PPID: variants seen among roughly 807,000 people sequenced by gnomAD.
PPID encodes the protein peptidylprolyl isomerase D, also known as peptidyl-prolyl cis-trans isomerase D.
In PPID, 47 loss-of-function variants were observed where a neutral mutation model predicts 48.1. That is an observed-to-expected ratio of 0.98 (90% CI 0.77 to 1.25). PPID has a LOEUF of 1.25. Ranked by LOEUF, PPID falls within the 50% of genes most tolerant of loss-of-function variation. PPID has a pLI of 0.00. For missense variants in PPID, 429 were observed against 443.5 expected (o/e 0.97, Z 0.29); for synonymous variants, 163 against 148.8 (o/e 1.10, Z -0.69).
At chr4:158,723,162 C>T (rs752311141) in intron 1 of PPID, 42 bp downstream of exon 1, 1 of 1,571,480 alleles carries the variant, frequency 6.4e-7, no homozygotes, top group Non-Finnish European at 8.7e-7. Context: ...CGGGAACCCC[C>T]GCCTCCTCGG....
intron 6 of PPID, among the ~76,000 whole-genome samples, chr4:158,714,809 C>CG (rs1682329211): frequency 6.6e-6 from 1 of 152,196 alleles, no homozygotes; most frequent in East Asian, 1.9e-4. Flanking sequence ...AGGCTGGTCT[C>CG]GAACTCCCGA....
chr4:158,717,903 T>C (rs1298814418), intron 3 of PPID, among the ~76,000 whole-genome samples: 1 of 152,228 alleles, frequency 6.6e-6, no homozygotes, highest in Admixed American at 6.5e-5. Context: ...CTTAACCTTT[T>C]CACTTTATCT....
intron 7 of PPID, among the ~76,000 whole-genome samples, chr4:158,712,337 C>G (rs901828311): frequency 2.0e-4 from 31 of 152,110 alleles, no homozygotes; most frequent in African/African-American, 6.5e-4. Flanking sequence ...TGAAACTGAC[C>G]CCCTCCTATC....
At chr4:158,719,395 GT>G in intron 2 of PPID, 109 bp from the exon 3 acceptor site, 4 of 710,780 alleles carry the variant, frequency 5.6e-6, no homozygotes, top group Non-Finnish European at 9.6e-6. Context: ...CTCTAGTCAT[GT>G]CTCTCTCCTG....
At chr4:158,714,794 T>A (rs1774843529) in intron 6 of PPID, among the ~76,000 whole-genome samples, 1 of 152,178 alleles carries the variant, frequency 6.6e-6, no homozygotes, top group Admixed American at 6.5e-5. Flanking sequence ...TTCACCATAT[T>A]GGCCAGGCTG....
intron 2 of PPID, 88 bp from the exon 3 acceptor site, chr4:158,719,374 G>T: frequency 1.2e-6 from 1 of 822,834 alleles, no homozygotes; most frequent in Non-Finnish European, 2.0e-6. Flanking sequence ...AGACAACTTT[G>T]TAGTGCATGA....
At chr4:158,719,086 C>T (rs1357831505) in intron 3 of PPID, 94 bp downstream of exon 3, 2 of 753,578 alleles carry the variant, frequency 2.7e-6, no homozygotes, top group Non-Finnish European at 4.3e-6. Context: ...AATCTAAGCA[C>T]ACTTGAAACA....
intron 2 of PPID, 28 bp downstream of exon 2, chr4:158,721,315 T>C: frequency 1.2e-6 from 2 of 1,608,750 alleles, no homozygotes; most frequent in South Asian, 1.1e-5. Context: ...GTATGAAGAA[T>C]AACAAGATTA....
At chr4:158,713,321 T>G in intron 6 of PPID, 61 bp from the exon 7 acceptor site, 9 of 1,435,622 alleles carry the variant, frequency 6.3e-6, no homozygotes, top group Non-Finnish European at 6.6e-6. Context: ...TACTCTTCTC[T>G]ATGTCCAGAA....
At chr4:158,722,187 T>G (rs940013109) in intron 1 of PPID, among the ~76,000 whole-genome samples, 5 of 152,240 alleles carry the variant, frequency 3.3e-5, no homozygotes, top group African/African-American at 1.2e-4. Context: ...CCAATTATAG[T>G]AGCCAAAAGA....
chr4:158,715,637 C>T lies in PPID; in HGVS notation c.570G>A (p.Gly190=), dbSNP rs755322111. 4.3e-6 allele frequency: 7 copies of T among 1,610,702 alleles called. No homozygotes were observed. Among genetic ancestry groups the T allele is most frequent in the Middle Eastern group, 1.6e-4 (1 of 6,080 alleles). Residue 190 remains glycine, a synonymous_variant, in exon 5 of 10, where the codon GGG becomes GGA. Transcript: ENST00000307720. ...ECGELKEGDD[G]GIFPKDGSGD... is the part of the protein sequence containing the mutation. ...CAGAGCCATCTTTTGGGAATATTCC[C>T]CCGTCATCTCCTTCCTTCAATTCTC... is the stretch of plus-strand genomic sequence containing the variant.
intron 2 of PPID, among the ~76,000 whole-genome samples, chr4:158,719,776 T>A (rs559880925): frequency 6.6e-6 from 1 of 152,354 alleles, no homozygotes; most frequent in Admixed American, 6.5e-5. Flanking sequence ...TCTACCCTAA[T>A]GGAAAATTTT....
At chr4:158,717,308 A>G in intron 3 of PPID, 108 bp from the exon 4 acceptor site, 1 of 901,930 alleles carries the variant, frequency 1.1e-6, no homozygotes, top group Non-Finnish European at 1.5e-6. Context: ...GGTGCACTAT[A>G]CTACCATTTA....
intron 1 of PPID, among the ~76,000 whole-genome samples, chr4:158,721,803 G>C (rs1332207938): frequency 1.3e-5 from 2 of 152,204 alleles, no homozygotes; most frequent in South Asian, 4.1e-4. Context: ...ATGTAAGTGA[G>C]ATCATGCCTT....
At chr4:158,721,300 T>A (rs773590280) in intron 2 of PPID, 43 bp downstream of exon 2, 1 of 1,597,464 alleles carries the variant, frequency 6.3e-7, no homozygotes, top group Non-Finnish European at 8.6e-7. Context: ...GAACAGGACT[T>A]GTCTGTATGA....
Position 158,723,317 on chromosome 4 carries a change from A to G in PPID, c.-29T>C. ...GACTTGCAGACGTGTTTAGTACGGA[A>G]TATCAGAGTACCTAGTGGCCGCCCG... On this transcript the variant is annotated 5_prime_UTR_variant, in exon 1 of 10. Coordinates refer to ENST00000307720, the MANE Select transcript of PPID (RefSeq NM_005038.3). 1.2e-6 allele frequency: 2 copies of G among 1,604,610 alleles called. No individual in the cohort carries two copies. Among genetic ancestry groups the G allele is most frequent in the Non-Finnish European group, 1.7e-6 (2 of 1,172,342 alleles).
chr4:158,723,279 G>A lies in PPID; in HGVS notation c.10C>T (p.Pro4Ser). 6.2e-7 allele frequency: 1 copy of A among 1,613,870 alleles called. No individual in the cohort carries two copies. The highest frequency in any genetic ancestry group is 8.5e-7 in the Non-Finnish European group (1 of 1,179,896). MSHPSPQAKPSNPS... is the reference protein window; with the variant it reads MSHSSPQAKPSNPS... ...TTGGAGGGCTTGGCTTGGGGGGACGGGTGCGACATCTTGACTTGCAGACGT... is the reference window on the plus strand; with the variant it reads ...TTGGAGGGCTTGGCTTGGGGGGACGAGTGCGACATCTTGACTTGCAGACGT... The change falls in exon 1 of 10, where the codon CCG (proline) becomes TCG (serine). Residue 4 changes from proline to serine, a missense_variant. Transcript: ENST00000307720.
intron 2 of PPID, 38 bp downstream of exon 2, chr4:158,721,305 G>C (rs1305993300): frequency 3.7e-6 from 6 of 1,601,124 alleles, no homozygotes; most frequent in Non-Finnish European, 3.4e-6. Flanking sequence ...GGACTTGTCT[G>C]TATGAAGAAT....
chr4:158,715,630 AT>A lies in PPID; in HGVS notation c.576del (p.Phe193SerfsTer19). 3 of 1,611,924 alleles carry A rather than the reference AT, an allele frequency of 1.9e-6. No homozygotes were observed. The highest frequency in any genetic ancestry group is 2.5e-6 in the Non-Finnish European group (3 of 1,177,976). ...CTGTCGCCAGAGCCATCTTTTGGGA[AT>A]ATTCCCCCGTCATCTCCTTCCTTCA... is the stretch of plus-strand genomic sequence containing the variant. Reference protein sequence around the residue: ...GELKEGDDGGIFPKDGSGDSH... With the variant: ...GELKEGDDGGXFPKDGSGDSH... On this transcript the variant is annotated frameshift_variant, in exon 5 of 10. Transcript: ENST00000307720. LOFTEE classifies it high-confidence loss of function.
Sources: allele counts gnomAD v4.1 joint callset (sites outside exome capture counted in the v4.1 genomes callset), GRCh38; gene constraint gnomAD v4.1.1; transcripts MANE v1.5; gene names NCBI Gene and HGNC (gene_info 2026-07-23, HGNC 2026-07-21).